Variants in POF1B observed in about 807,000 individuals in gnomAD.
POF1B encodes protein POF1B.
Under a neutral mutation model 55.3 loss-of-function variants are expected in POF1B, and 53 were observed. The observed-to-expected ratio is 0.96, with a 90% CI of 0.77 to 1.20. POF1B has a LOEUF of 1.20. POF1B is among the 50% of genes most tolerant of loss of function. POF1B has a pLI of 0.00. For missense variants in POF1B, 478 were observed against 420.5 expected (o/e 1.14, Z -1.20); for synonymous variants, 188 against 148.3 (o/e 1.27, Z -1.95).
At chrX:85,365,557 T>C (rs1933705226) in intron 3 of POF1B, among the ~76,000 whole-genome samples, 1 of 111,696 alleles carries the variant, frequency 9.0e-6, no homozygotes, top group South Asian at 3.8e-4. Context: ...TGTGATCCAA[T>C]AGGTGGCGCT....
At chrX:85,371,222 G>C (rs1462642605) in intron 2 of POF1B, among the ~76,000 whole-genome samples, 1 of 111,630 alleles carries the variant, frequency 9.0e-6, no homozygotes, top group African/African-American at 3.3e-5. Flanking sequence ...GTGGATTAGA[G>C]GATCTTTAAG....
At chrX:85,359,515 A>G in intron 4 of POF1B, 35 bp downstream of exon 4, 2 of 1,042,611 alleles carry the variant, frequency 1.9e-6, no homozygotes, top group Non-Finnish European at 2.7e-6. Flanking sequence ...ATTAACTTCT[A>G]AAGAATTATA....
intron 6 of POF1B, among the ~76,000 whole-genome samples, chrX:85,340,324 A>G (rs1160704920): frequency 1.8e-5 from 2 of 111,103 alleles, no homozygotes; most frequent in African/African-American, 3.3e-5. Flanking sequence ...AAGTGATGCC[A>G]GTAAAAGGAG....
chrX:85,331,057 G>C lies in POF1B; in HGVS notation c.746C>G (p.Pro249Arg), dbSNP rs1932970612. ...CEQVIIQDDG[P>R]EKLDPRYFGE... is the part of the protein sequence containing the mutation. The stretch of plus-strand genomic sequence containing the variant: ...AAAATATCTGGGGTCCAATTTTTCA[G>C]GGCCATCATCCTGAATTATCACCTG... Residue 249 changes from proline (P) to arginine (R), a missense_variant, in exon 7 of 17, where the codon CCT becomes CGT. Pro to Arg is a moderately radical substitution (Grantham distance 103, BLOSUM62 -2). Coordinates refer to ENST00000262753, the MANE Select transcript of POF1B (RefSeq NM_024921.4). 1.3e-5 allele frequency: 16 copies of C among 1,203,892 alleles called. No individual in the cohort carries two copies. Among genetic ancestry groups the C allele is most frequent in the Non-Finnish European group, 1.8e-5 (16 of 892,249 alleles).
chrX:85,359,980 T>C (rs1933573320), intron 3 of POF1B, among the ~76,000 whole-genome samples: 1 of 109,896 alleles, frequency 9.1e-6, no homozygotes, highest in South Asian at 3.8e-4. Context: ...AAAAGACATG[T>C]TAAAAAAAAT....
chrX:85,334,516 A>C (rs1014263591), intron 6 of POF1B, among the ~76,000 whole-genome samples: 8 of 111,415 alleles, frequency 7.2e-5, no homozygotes, highest in Non-Finnish European at 1.3e-4. Context: ...TAATCGGATC[A>C]CTATTTGACT....
intron 4 of POF1B, among the ~76,000 whole-genome samples, chrX:85,353,080 G>T: frequency 9.0e-6 from 1 of 111,023 alleles, no homozygotes; most frequent in Non-Finnish European, 1.9e-5. Flanking sequence ...AGAACTTATG[G>T]GATGGAGTTC....
chrX:85,327,941 T>C (rs1932915955), intron 7 of POF1B, among the ~76,000 whole-genome samples: 1 of 111,355 alleles, frequency 9.0e-6, no homozygotes, highest in Non-Finnish European at 1.9e-5. Flanking sequence ...CAAACTTCCT[T>C]AATTTTTACC....
At position 85,279,108 on chromosome X, in the gene POF1B, G is replaced by A. The variant is rs201276514; in HGVS notation, c.*313C>T. ...CAACAAATTAGTTTGATATCTAGGA[G>A]TTACCTTATCTGAAACATAATGAGT... is the stretch of plus-strand genomic sequence containing the variant. On this transcript the variant is annotated 3_prime_UTR_variant, in exon 17 of 17. Coordinates refer to ENST00000262753, the MANE Select transcript of POF1B (RefSeq NM_024921.4). 5.1e-3 allele frequency: 1,011 copies of A among 199,074 alleles called. 12 individuals are homozygous for A. Among genetic ancestry groups the A allele is most frequent in the African/African-American group, 0.028 (939 of 34,057 alleles). 16.4% of individuals were successfully genotyped at this position (199,074 alleles called of 1,213,427 possible). A position where few individuals can be genotyped will look rare whatever the true frequency, so the allele number is the denominator to read the frequency against.
intron 6 of POF1B, among the ~76,000 whole-genome samples, chrX:85,334,969 C>T (rs1054765671): frequency 9.0e-6 from 1 of 111,417 alleles, no homozygotes; most frequent in Non-Finnish European, 1.9e-5. Flanking sequence ...CCTGGTTTCC[C>T]TTCAGCTTAA....
chrX:85,292,380 A>G (rs1478032036), intron 15 of POF1B, among the ~76,000 whole-genome samples: 1 of 111,492 alleles, frequency 9.0e-6, no homozygotes, highest in East Asian at 2.9e-4. Context: ...CATCAAGGGT[A>G]TTGACCTGAA....
intron 9 of POF1B, 130 bp from the exon 10 acceptor site, chrX:85,308,346 G>A (rs1477479818): frequency 2.9e-6 from 1 of 347,762 alleles, no homozygotes; most frequent in Non-Finnish European, 5.1e-6. Flanking sequence ...TTAGAAAGGT[G>A]ATATAAGGCA....
chrX:85,372,308 T>C (rs1158382778), intron 2 of POF1B, among the ~76,000 whole-genome samples: 3 of 101,403 alleles, frequency 3.0e-5, no homozygotes, highest in Non-Finnish European at 3.9e-5. Context: ...CGTGCCACTG[T>C]GCTCCAGGCT....
chrX:85,295,012 G>A (rs893448808), intron 15 of POF1B, among the ~76,000 whole-genome samples: 19 of 111,868 alleles, frequency 1.7e-4, no homozygotes, highest in African/African-American at 6.2e-4. Flanking sequence ...TTGTGTTATA[G>A]AGGTTTTCAT....
rs779728311 is a variant in POF1B at position 85,282,159 on chromosome X, C to A, written c.1764+44G>T. ...TTTACCTCAATTTTAAAAGGCTGTA[C>A]ATATATCGTCAAAATAGGGCTAAAA... On this transcript the variant is annotated intron_variant, in intron 16 of 16. Coordinates refer to ENST00000262753, the MANE Select transcript of POF1B (RefSeq NM_024921.4). 4.4e-6 allele frequency: 5 copies of A among 1,148,758 alleles called. No individual in the cohort carries two copies. The South Asian group carries it at 8.7e-5, about 20-fold the overall frequency. 94.7% of individuals were successfully genotyped at this position (1,148,758 alleles called of 1,213,427 possible).
At chrX:85,294,019 G>C (rs1172344620) in intron 15 of POF1B, among the ~76,000 whole-genome samples, 1 of 109,804 alleles carries the variant, frequency 9.1e-6, no homozygotes, top group Non-Finnish European at 1.9e-5. Context: ...AGGAGGAGGA[G>C]AGGAACATTT....
At position 85,351,401 on chromosome X, in the gene POF1B, A is replaced by G. The variant is rs754035365; in HGVS notation, c.489T>C (p.Asn163=). 6 of 1,198,605 alleles carry G rather than the reference A, an allele frequency of 5.0e-6. No individual in the cohort carries two copies. In the African/African-American group the frequency reaches 1.1e-4, roughly 21 times the overall value. The part of the protein sequence containing the change: ...LRGSHFFPGN[N]VIYEKTIRKV... ...TTCTTATTGTTTTTTCATAAATAAC[A>G]TTGTTTCCTGGGAAGAAATGGCTTC... is the stretch of plus-strand genomic sequence containing the variant. The change falls in exon 5 of 17, where the codon AAT becomes AAC. Residue 163 remains asparagine (N), a synonymous_variant. Transcript: ENST00000262753.
At chrX:85,296,905 A>G (rs1932321355) in intron 15 of POF1B, among the ~76,000 whole-genome samples, 1 of 109,588 alleles carries the variant, frequency 9.1e-6, no homozygotes, top group South Asian at 3.9e-4. Context: ...ACATAATCCC[A>G]TATTTCTCAG....
chrX:85,322,415 C>A (rs1277998162), intron 7 of POF1B, among the ~76,000 whole-genome samples: 1 of 111,430 alleles, frequency 9.0e-6, no homozygotes, highest in Admixed American at 9.5e-5. Flanking sequence ...AACTGGATCC[C>A]TTCCTTACAT....
Sources: allele counts gnomAD v4.1 joint callset (sites outside exome capture counted in the v4.1 genomes callset), GRCh38; gene constraint gnomAD v4.1.1; transcripts MANE v1.5; gene names NCBI Gene and HGNC (gene_info 2026-07-23, HGNC 2026-07-21).